TAFA1: variants seen among roughly 807,000 people sequenced by gnomAD.
TAFA1 encodes chemokine-like protein TAFA-1.
TAFA1 carries 4 observed loss-of-function variants against 18.5 expected under a neutral mutation model. That is an observed-to-expected ratio of 0.22 (90% CI 0.11 to 0.49). TAFA1 has a LOEUF of 0.49. Among genes scored for constraint, TAFA1 ranks in the 20% least tolerant of loss-of-function variants. The pLI is 0.98. For missense variants in TAFA1, 147 were observed against 169.0 expected (o/e 0.87, Z 0.72); for synonymous variants, 56 against 55.2 (o/e 1.01, Z -0.06).
intron 2 of TAFA1, among the ~76,000 whole-genome samples, chr3:68,056,357 T>C (rs975758545): frequency 6.6e-6 from 1 of 152,176 alleles, no homozygotes; most frequent in Non-Finnish European, 1.5e-5. Context: ...CTAGGCAAAT[T>C]TGAAATGCTT....
At chr3:68,331,592 C>T (rs924030691) in intron 2 of TAFA1, among the ~76,000 whole-genome samples, 3 of 152,112 alleles carry the variant, frequency 2.0e-5, no homozygotes, top group East Asian at 1.9e-4. Flanking sequence ...AAATCAGGCA[C>T]CTTTTAGGAG....
At chr3:68,145,382 T>C in intron 2 of TAFA1, 1 of 830,254 alleles carries the variant, frequency 1.2e-6, no homozygotes, top group Non-Finnish European at 2.2e-6. Flanking sequence ...AGCATATACT[T>C]CAATCATCAC....
intron 2 of TAFA1, among the ~76,000 whole-genome samples, chr3:68,388,101 C>T (rs553609247): frequency 5.9e-5 from 9 of 152,100 alleles, no homozygotes; most frequent in East Asian, 1.9e-4. Flanking sequence ...TTAGAAACCA[C>T]GTAAAATTCC....
intron 2 of TAFA1, among the ~76,000 whole-genome samples, chr3:68,363,769 A>C (rs1400860117): frequency 6.6e-6 from 1 of 152,192 alleles, no homozygotes; most frequent in Non-Finnish European, 1.5e-5. Context: ...ATAACCAATG[A>C]AATCTCCCAA....
intron 2 of TAFA1, among the ~76,000 whole-genome samples, chr3:68,051,560 G>A (rs1437258169): frequency 1.3e-5 from 2 of 152,082 alleles, no homozygotes; most frequent in African/African-American, 4.8e-5. Flanking sequence ...ATACAGGACA[G>A]TTCTGTACAA....
chr3:68,245,525 A>ACTATCTATGCATGGATACTAT (rs1162136432), intron 2 of TAFA1, among the ~76,000 whole-genome samples: 2 of 152,232 alleles, frequency 1.3e-5, no homozygotes, highest in Non-Finnish European at 2.9e-5. Flanking sequence ...AGATATGGAT[A>ACTATCTATGCATGGATACTAT]CTAAGACAAA....
At chr3:68,099,024 T>A (rs560994672) in intron 2 of TAFA1, among the ~76,000 whole-genome samples, 1 of 152,138 alleles carries the variant, frequency 6.6e-6, no homozygotes, top group South Asian at 2.1e-4. Context: ...ATTAAAGACT[T>A]AAATTTAGGA....
intron 2 of TAFA1, among the ~76,000 whole-genome samples, chr3:68,287,274 G>T (rs532031361): frequency 6.6e-6 from 1 of 152,190 alleles, no homozygotes; most frequent in East Asian, 1.9e-4. Flanking sequence ...TCCCATTATC[G>T]CCCTATTACA....
At chr3:68,273,325 G>A (rs2067714085) in intron 2 of TAFA1, among the ~76,000 whole-genome samples, 1 of 152,194 alleles carries the variant, frequency 6.6e-6, no homozygotes, top group South Asian at 2.1e-4. Flanking sequence ...GGTAGAAGTT[G>A]CAGTTGGAGA....
At chr3:68,296,909 G>A (rs2068217792) in intron 2 of TAFA1, among the ~76,000 whole-genome samples, 1 of 152,184 alleles carries the variant, frequency 6.6e-6, no homozygotes, top group Non-Finnish European at 1.5e-5. Context: ...ATGCTGGAGT[G>A]TTTGGGGAAA....
At chr3:68,233,297 A>G (rs1457813775) in intron 2 of TAFA1, among the ~76,000 whole-genome samples, 1 of 152,112 alleles carries the variant, frequency 6.6e-6, no homozygotes, top group African/African-American at 2.4e-5. Context: ...ATCCCATTCT[A>G]CAGCTTCTCT....
chr3:68,072,500 G>C (rs1400004285), intron 2 of TAFA1, among the ~76,000 whole-genome samples: 1 of 152,196 alleles, frequency 6.6e-6, no homozygotes, highest in Non-Finnish European at 1.5e-5. Flanking sequence ...AGGGTGACAA[G>C]TTAAGCAGAC....
At chr3:68,505,877 T>A (rs945785306) in intron 3 of TAFA1, among the ~76,000 whole-genome samples, 1 of 67,244 alleles carries the variant, frequency 1.5e-5, no homozygotes, top group African/African-American at 6.7e-5. Context: ...AGTGCCATAT[T>A]CTATTTCTTT....
chr3:68,370,470 G>GTATA (rs2069675173), intron 2 of TAFA1, among the ~76,000 whole-genome samples: 2 of 31,172 alleles, frequency 6.4e-5, no homozygotes, highest in Non-Finnish European at 1.2e-4. Context: ...GTGTGTGTGT[G>GTATA]TGTATATATA....
chr3:68,136,462 G>A (rs1396537307), intron 2 of TAFA1, among the ~76,000 whole-genome samples: 1 of 152,124 alleles, frequency 6.6e-6, no homozygotes, highest in East Asian at 1.9e-4. Flanking sequence ...TTATATTAGT[G>A]GGGACAGAAA....
chr3:68,469,589 C>T (rs1042870100), intron 3 of TAFA1, among the ~76,000 whole-genome samples: 4 of 152,210 alleles, frequency 2.6e-5, no homozygotes, highest in East Asian at 1.9e-4. Context: ...AGGAGAATGG[C>T]GTGAACCCGG....
At chr3:68,440,569 A>G (rs575282994) in intron 3 of TAFA1, among the ~76,000 whole-genome samples, 13 of 152,288 alleles carry the variant, frequency 8.5e-5, no homozygotes, top group African/African-American at 3.1e-4. Flanking sequence ...AGTTTCTTCT[A>G]CTACCCATTC....
At chr3:68,106,452 G>A (rs1363151227) in intron 2 of TAFA1, among the ~76,000 whole-genome samples, 2 of 152,002 alleles carry the variant, frequency 1.3e-5, no homozygotes, top group East Asian at 1.9e-4. Flanking sequence ...TAAATTTAAG[G>A]CACCATATGT....
intron 2 of TAFA1, among the ~76,000 whole-genome samples, chr3:68,077,224 G>C (rs1344804786): frequency 1.2e-4 from 17 of 147,316 alleles, no homozygotes; most frequent in African/African-American, 4.0e-4. Flanking sequence ...TGTCAGATGA[G>C]TAGGTTGCAA....
Sources: gnomAD v4.1 joint callset for allele counts (sites outside exome capture counted in the v4.1 genomes callset) on GRCh38, gnomAD v4.1.1 for gene constraint, MANE v1.5 for transcripts, NCBI Gene and HGNC (gene_info 2026-07-23, HGNC 2026-07-21) for gene names.